The following ASIC2 variants were observed in gnomAD, a reference collection of about 807,000 sequenced individuals.
The protein encoded by ASIC2 is acid sensing ion channel subunit 2, also known as acid-sensing ion channel 2.
ASIC2 carries 25 observed loss-of-function variants against 57.3 expected under a neutral mutation model. The ratio of observed to expected loss-of-function variants is 0.44; its 90% confidence interval spans 0.32 to 0.61. The LOEUF is 0.61. Among genes scored for constraint, ASIC2 ranks in the 20% least tolerant of loss-of-function variants. The pLI is 0.06. For synonymous variants in ASIC2, 319 were observed against 307.5 expected, an observed-to-expected ratio of 1.04 and a Z score of -0.39; for missense variants, 641 against 738.1, an observed-to-expected ratio of 0.87 and a Z score of 1.52.
intron 1 of ASIC2, among the ~76,000 whole-genome samples, chr17:33,807,293 G>A (rs1306215825): frequency 6.6e-6 from 1 of 152,170 alleles, no homozygotes; most frequent in Non-Finnish European, 1.5e-5. Flanking sequence ...AGTGTATTCT[G>A]TATGGCTATA....
intron 1 of ASIC2, among the ~76,000 whole-genome samples, chr17:33,930,858 T>C (rs1915915790): frequency 6.6e-6 from 1 of 152,214 alleles, no homozygotes; most frequent in Admixed American, 6.5e-5. Context: ...GCCCAGATTT[T>C]ACAACTCCCT....
intron 1 of ASIC2, among the ~76,000 whole-genome samples, chr17:33,214,943 A>T (rs1907420564): frequency 6.6e-6 from 1 of 152,236 alleles, no homozygotes; most frequent in African/African-American, 2.4e-5. Context: ...ACCCAGAGTC[A>T]CACAGCTGGC....
At position 33,241,039 on chromosome 17, in the gene ASIC2, T is replaced by C. The variant is rs531023562; in HGVS notation, c.708+50369A>G. The stretch of plus-strand genomic sequence containing the variant: ...GACCTACCCTGTAACATAAAAATCA[T>C]AGATCACCTTTCATAGATCAGGACA... On this transcript the variant is annotated intron_variant, in intron 1 of 9. Coordinates refer to ENST00000225823, the MANE Select transcript of ASIC2 (RefSeq NM_183377.2). 2.6e-4 allele frequency among the ~76,000 whole-genome samples: 39 copies of C among 152,188 alleles called. No homozygotes were observed. The South Asian group carries it at 7.7e-3, about 30-fold the overall frequency.
At chr17:33,898,131 ATTTCTTTCTTTCTT>A (rs1915143154) in intron 1 of ASIC2, among the ~76,000 whole-genome samples, 1 of 142,556 alleles carries the variant, frequency 7.0e-6, no homozygotes, top group African/African-American at 2.6e-5. Context: ...CTCTGCCCAT[ATTTCTTTCTTTCTT>A]ATTTTTACTT....
At chr17:34,021,919 A>C in intron 1 of ASIC2, among the ~76,000 whole-genome samples, 1 of 148,400 alleles carries the variant, frequency 6.7e-6, no homozygotes. Flanking sequence ...CTCACTGCAA[A>C]CTCCACCTCC....
At chr17:33,361,870 G>A (rs1320112448) in intron 1 of ASIC2, among the ~76,000 whole-genome samples, 1 of 152,154 alleles carries the variant, frequency 6.6e-6, no homozygotes, top group Non-Finnish European at 1.5e-5. Flanking sequence ...GCCTTCCTCT[G>A]TGTATCTGGC....
At chr17:33,067,118 T>A (rs1024261150) in intron 3 of ASIC2, among the ~76,000 whole-genome samples, 1 of 147,600 alleles carries the variant, frequency 6.8e-6, no homozygotes, top group Non-Finnish European at 1.5e-5. Flanking sequence ...GACAAGACAA[T>A]TCTAATGGCC....
At chr17:33,022,232 C>T (rs1051803897) in intron 6 of ASIC2, among the ~76,000 whole-genome samples, 4 of 152,166 alleles carry the variant, frequency 2.6e-5, no homozygotes, top group Non-Finnish European at 5.9e-5. Context: ...TGCCTTTCCC[C>T]CGTCTTCTCT....
Position 33,862,868 on chromosome 17 carries a change from G to A in ASIC2, c.555+293110C>T, listed in dbSNP as rs555034675. 6.6e-5 allele frequency among the ~76,000 whole-genome samples: 10 copies of A among 152,268 alleles called. No homozygotes were observed. The South Asian group carries it at 1.7e-3, about 25-fold the overall frequency. On this transcript the variant is annotated intron_variant, in intron 1 of 9. Coordinates refer to the ASIC2 transcript ENST00000359872. Reference sequence around the variant, plus strand: ...GCAGATGGTCAGTTTCTTGACCAGCGGTTGAAGACTTGGTGAAGACCAGTG... The same window carrying A: ...GCAGATGGTCAGTTTCTTGACCAGCAGTTGAAGACTTGGTGAAGACCAGTG...
chr17:33,893,100 T>A (rs1187464685), intron 1 of ASIC2, among the ~76,000 whole-genome samples: 1 of 152,194 alleles, frequency 6.6e-6, no homozygotes, highest in Non-Finnish European at 1.5e-5. Flanking sequence ...AAATAAAATG[T>A]TAGTTTTGTG....
At chr17:33,123,634 A>G (rs912932783) in intron 1 of ASIC2, among the ~76,000 whole-genome samples, 18 of 152,316 alleles carry the variant, frequency 1.2e-4, no homozygotes, top group African/African-American at 4.3e-4. Flanking sequence ...TTTCTTGGGC[A>G]TTCTTGCAAA....
intron 1 of ASIC2, among the ~76,000 whole-genome samples, chr17:33,346,997 C>T (rs897272148): frequency 6.6e-6 from 1 of 152,102 alleles, no homozygotes; most frequent in Admixed American, 6.5e-5. Flanking sequence ...GGAGCAGCTG[C>T]TGAAGAGTTT....
chr17:33,916,173 G>A (rs1260985508), intron 1 of ASIC2, among the ~76,000 whole-genome samples: 4 of 152,154 alleles, frequency 2.6e-5, no homozygotes, highest in Admixed American at 6.5e-5. Flanking sequence ...GTTTGGCTAG[G>A]CATGCAACTC....
intron 1 of ASIC2, among the ~76,000 whole-genome samples, chr17:33,735,723 G>A (rs1233860578): frequency 6.6e-6 from 1 of 152,080 alleles, no homozygotes; most frequent in African/African-American, 2.4e-5. Flanking sequence ...CCTCCATTGA[G>A]CACTCCCTGG....
rs1253170021 is a variant in ASIC2 at position 34,156,506 on chromosome 17, C to T, written c.27G>A (p.Glu9=). The change falls in exon 1 of 10, where the codon GAG becomes GAA. Residue 9 remains glutamate, a synonymous_variant. Transcript: ENST00000359872. The surrounding 1 kb of genome is among the most constrained non-coding windows in gnomAD (Gnocchi z 4.4). ...GGATGCTAGAAGGTTGCAGGCTGCC[C>T]TCACTGGGGCTTTCCTTGAGGTCCA... 19 of 1,601,134 alleles carry T rather than the reference C, an allele frequency of 1.2e-5. No homozygotes were observed. Among genetic ancestry groups the T allele is most frequent in the Non-Finnish European group, 1.5e-5 (18 of 1,170,756 alleles).
intron 1 of ASIC2, among the ~76,000 whole-genome samples, chr17:33,778,767 T>C (rs990379821): frequency 3.3e-5 from 5 of 152,166 alleles, no homozygotes; most frequent in Non-Finnish European, 7.3e-5. Context: ...GCACAGGGTA[T>C]TGATGCACGT....
chr17:34,092,014 G>A (rs1330355532), intron 1 of ASIC2, among the ~76,000 whole-genome samples: 2 of 152,150 alleles, frequency 1.3e-5, no homozygotes, highest in Non-Finnish European at 2.9e-5. Flanking sequence ...CTTAGAAGCA[G>A]CTCAGCGATA....
intron 1 of ASIC2, among the ~76,000 whole-genome samples, chr17:34,076,163 T>C (rs528860530): frequency 1.3e-5 from 2 of 152,068 alleles, no homozygotes; most frequent in Admixed American, 1.3e-4. Context: ...CCACCATGCC[T>C]GGCTAATTTT....
intron 1 of ASIC2, among the ~76,000 whole-genome samples, chr17:33,666,381 T>C (rs781281120): frequency 6.6e-6 from 1 of 152,074 alleles, no homozygotes; most frequent in African/African-American, 2.4e-5. Context: ...TACTTTTAGG[T>C]TGGGGTCACA....
Sources: gnomAD v4.1 joint callset for allele counts (sites outside exome capture counted in the v4.1 genomes callset) on GRCh38, gnomAD v4.1.1 for gene constraint, Gnocchi (gnomAD v3.1) non-coding constraint, MANE v1.5 for transcripts, NCBI Gene and HGNC (gene_info 2026-07-23, HGNC 2026-07-21) for gene names.